The following IQGAP3 variants were observed in gnomAD, a reference collection of about 807,000 sequenced individuals.
IQGAP3 encodes the protein ras GTPase-activating-like protein IQGAP3.
Under a neutral mutation model 208.2 loss-of-function variants are expected in IQGAP3, and 165 were observed. The ratio of observed to expected loss-of-function variants is 0.79; its 90% CI spans 0.70 to 0.90. The LOEUF is 0.90. Ranked by LOEUF, IQGAP3 falls within the 40% of genes least tolerant of loss-of-function variation. The pLI, the probability that IQGAP3 is intolerant of heterozygous loss-of-function variation, is 0.00. For synonymous variants in IQGAP3, 703 were observed against 803.6 expected (o/e 0.87, Z 2.12); for missense variants, 1,811 against 2,043.1 (o/e 0.89, Z 2.19).
In IQGAP3 at chr1:156,561,819, G is replaced by A. The variant is rs753361935; in HGVS notation, c.1041+19C>T. 6 of 1,612,688 alleles carry A rather than the reference G, an allele frequency of 3.7e-6. No individual in the cohort carries two copies. The highest frequency in any genetic ancestry group is 1.1e-5 in the South Asian group (1 of 90,836). On this transcript the variant is annotated intron_variant, in intron 10 of 37. Transcript: ENST00000361170. Reference sequence around the variant, plus strand: ...TATAGTCACATACAGGGGGTGGCAGGTAATAGACAGAGGCTAACCTGTGCC... The same window carrying A: ...TATAGTCACATACAGGGGGTGGCAGATAATAGACAGAGGCTAACCTGTGCC...
intron 22 of IQGAP3, among the ~76,000 whole-genome samples, chr1:156,542,638 G>T (rs1285263591): frequency 6.6e-6 from 1 of 152,180 alleles, no homozygotes; most frequent in Non-Finnish European, 1.5e-5. Context: ...GGAGAAAAGT[G>T]GGCAAGAAGG....
intron 10 of IQGAP3, among the ~76,000 whole-genome samples, chr1:156,561,278 C>T (rs1676139188): frequency 1.3e-5 from 2 of 152,032 alleles, no homozygotes; most frequent in Non-Finnish European, 2.9e-5. Flanking sequence ...AAGCGATTCT[C>T]TGCCGAAGCC....
Position 156,569,406 on chromosome 1 carries a change from T to C in IQGAP3, c.95A>G (p.Gln32Arg). 1.2e-6 allele frequency: 2 copies of C among 1,613,580 alleles called. No homozygotes were observed. The highest frequency in any genetic ancestry group is 1.7e-6 in the Non-Finnish European group (2 of 1,179,760). ...GGCCTCCTCCAGCCGGCACAGGTAC[T>C]GATAGGCAACATTCTGCCGCCTCTG... Reference protein sequence around the residue: ...DEQRRQNVAYQYLCRLEEAKR... With the variant: ...DEQRRQNVAYRYLCRLEEAKR... Residue 32 changes from glutamine (Q) to arginine (R), a missense_variant, in exon 2 of 38, where the codon CAG becomes CGG. Physicochemically the swap from Gln to Arg is conservative, Grantham distance 43 (BLOSUM62 1). Coordinates refer to ENST00000361170, the MANE Select transcript of IQGAP3 (RefSeq NM_178229.5).
chr1:156,542,680 CTG>C (rs1233940527), intron 22 of IQGAP3, among the ~76,000 whole-genome samples: 3 of 152,202 alleles, frequency 2.0e-5, no homozygotes, highest in Non-Finnish European at 4.4e-5. Context: ...TGGTTCATGA[CTG>C]TAATCCCAGA....
chr1:156,547,388 G>GACACACACAC (rs61344699), intron 19 of IQGAP3, among the ~76,000 whole-genome samples: 1,551 of 147,408 alleles, frequency 0.011, 12 homozygotes, highest in Middle Eastern at 0.02. Flanking sequence ...CAGACACACA[G>GACACACACAC]ACACACACAC....
intron 22 of IQGAP3, among the ~76,000 whole-genome samples, chr1:156,541,289 A>G (rs1674963423): frequency 6.6e-6 from 1 of 150,746 alleles, no homozygotes; most frequent in African/African-American, 2.5e-5. Flanking sequence ...TGCTGGGCCA[A>G]CCTGCTCCTC....
Position 156,527,994 on chromosome 1 carries a change from C to G in IQGAP3, c.4740G>C (p.Lys1580Asn). ...DEAGKFEVNA[K>N]FLGVDMERFQ... ...ATCGCTCCATGTCCACACCCAGGAA[C>G]TTGGCATTTACTTCAAACTTTCCTG... Residue 1580 changes from lysine (K) to asparagine (N), a missense_variant, in exon 37 of 38, where the codon AAG (lysine) becomes AAC (asparagine). Lys to Asn is a moderately conservative substitution (Grantham distance 94). Transcript: ENST00000361170. The G allele has an allele frequency of 6.2e-7, 1 of 1,614,136 alleles. No homozygotes were observed. Among genetic ancestry groups the G allele is most frequent in the South Asian group, 1.1e-5 (1 of 91,082 alleles).
At chr1:156,527,075 C>T (rs1674110380) in intron 37 of IQGAP3, among the ~76,000 whole-genome samples, 1 of 151,482 alleles carries the variant, frequency 6.6e-6, no homozygotes, top group African/African-American at 2.4e-5. Context: ...TCGTGATCCG[C>T]CCGCCTCGGC....
At position 156,569,377 on chromosome 1, in the gene IQGAP3, G is replaced by T; in HGVS notation, c.124C>A (p.Arg42Ser). 1 of 1,608,558 alleles carries T rather than the reference G, an allele frequency of 6.2e-7. No homozygotes were observed. Among genetic ancestry groups the T allele is most frequent in the Non-Finnish European group, 8.5e-7 (1 of 1,175,674 alleles). The change falls in exon 2 of 38, where the codon CGC becomes AGC. Residue 42 changes from arginine (R) to serine (S), a missense_variant and splice_region_variant. Physicochemically the swap from Arg to Ser is moderately radical, Grantham distance 110 (BLOSUM62 -1). Coordinates refer to ENST00000361170, the MANE Select transcript of IQGAP3 (RefSeq NM_178229.5). ...QYLCRLEEAKRWMEACLKEEL... is the reference protein window; with the variant it reads ...QYLCRLEEAKSWMEACLKEEL... ...TCCATCTTCCTGGACTCCGCTCACC[G>T]CTTGGCCTCCTCCAGCCGGCACAGG...
intron 12 of IQGAP3, among the ~76,000 whole-genome samples, chr1:156,556,135 GC>G (rs1336799545): frequency 1.3e-4 from 20 of 152,218 alleles, no homozygotes; most frequent in Non-Finnish European, 2.9e-5. Flanking sequence ...CTAAGTGAGG[GC>G]CCTGTCGTTT....
At chr1:156,550,707 G>A (rs1675507806) in intron 15 of IQGAP3, among the ~76,000 whole-genome samples, 1 of 152,136 alleles carries the variant, frequency 6.6e-6, no homozygotes, top group African/African-American at 2.4e-5. Context: ...GATAGCCTAC[G>A]CTGGAGGCTC....
chr1:156,548,661 G>A lies in IQGAP3; in HGVS notation c.1913C>T (p.Ala638Val), dbSNP rs200872033. Residue 638 changes from alanine to valine, a missense_variant, in exon 17 of 38, where the codon GCC becomes GTC. Transcript: ENST00000361170. ...TERVLRNPAVALRGVVPDCAN... is the reference protein window; with the variant it reads ...TERVLRNPAVVLRGVVPDCAN... Reference sequence around the variant, plus strand: ...ACAGTCGGGAACTACCCCTCGAAGGGCCACTGCGGGGTTCCTCAACACCCG... The same window carrying A: ...ACAGTCGGGAACTACCCCTCGAAGGACCACTGCGGGGTTCCTCAACACCCG... The A allele has an allele frequency of 4.6e-5, 74 of 1,612,376 alleles. No homozygotes were observed. In the Admixed American group the frequency reaches 9.8e-4, roughly 21 times the overall value.
rs552029292 is a variant in IQGAP3, at chr1:156,526,135, G to A, written c.*351C>T. 3 of 219,960 alleles carry A rather than the reference G, an allele frequency of 1.4e-5. No individual in the cohort carries two copies. The highest frequency in any genetic ancestry group is 6.7e-5 in the African/African-American group (3 of 45,086). 13.6% of individuals were successfully genotyped at this position (219,960 alleles called of 1,614,324 possible). A position where few individuals can be genotyped will look rare whatever the true frequency, so the allele number is the denominator to read the frequency against. On this transcript the variant is annotated 3_prime_UTR_variant, in exon 38 of 38. Transcript: ENST00000361170. Reference sequence around the variant, plus strand: ...GGCAGAGGGGAAATCAAGCCGCTGGGGCAGTGCTTGTAATATTGGGGTGAC... The same window carrying A: ...GGCAGAGGGGAAATCAAGCCGCTGGAGCAGTGCTTGTAATATTGGGGTGAC...
At chr1:156,568,815 C>A (rs1676515506) in intron 2 of IQGAP3, among the ~76,000 whole-genome samples, 1 of 151,884 alleles carries the variant, frequency 6.6e-6, no homozygotes, top group Admixed American at 6.6e-5. Flanking sequence ...CTGAATGACA[C>A]AAGAAAGCAA....
chr1:156,544,136 A>T lies in IQGAP3; in HGVS notation c.2460+16T>A. On this transcript the variant is annotated intron_variant, in intron 21 of 37. Transcript: ENST00000361170. ...AAGGTTGGGTATGTGGGCAGGGGGAACAAGGTGACACTCACATTCTTCTGG... is the reference window on the plus strand; with the variant it reads ...AAGGTTGGGTATGTGGGCAGGGGGATCAAGGTGACACTCACATTCTTCTGG... The T allele has an allele frequency of 6.2e-7, 1 of 1,613,988 alleles. No individual in the cohort carries two copies. The highest frequency in any genetic ancestry group is 8.5e-7 in the Non-Finnish European group (1 of 1,179,828).
At position 156,527,035 on chromosome 1, in the gene IQGAP3, A is replaced by G. The variant is rs58573451; in HGVS notation, c.4783-436T>C. Among the ~76,000 whole-genome samples the G allele has an allele frequency of 4.9e-3, 747 of 151,026 alleles. 6 individuals are homozygous for G. The highest frequency in any genetic ancestry group is 0.017 in the African/African-American group (705 of 41,288). On this transcript the variant is annotated intron_variant, in intron 37 of 37. Coordinates refer to ENST00000361170, the MANE Select transcript of IQGAP3 (RefSeq NM_178229.5). ...TTTAGTAGAGACAGGGTTTCACTAT[A>G]TTGGCCAGGCTGGTCTTGAACTGCT...
chr1:156,562,789 C>T (rs1368378763), intron 8 of IQGAP3, 124 bp from the exon 9 acceptor site: 12 of 886,386 alleles, frequency 1.4e-5, no homozygotes, highest in Non-Finnish European at 2.0e-5. Flanking sequence ...GTTCAGTCTG[C>T]TCAGAATTCA....
At position 156,537,263 on chromosome 1, in the gene IQGAP3, G is replaced by A. The variant is rs373965074; in HGVS notation, c.3340C>T (p.Arg1114Ter). 38 of 1,613,712 alleles carry A rather than the reference G, an allele frequency of 2.4e-5. No individual in the cohort carries two copies. The highest frequency in any genetic ancestry group is 3.3e-4 in the Middle Eastern group (2 of 6,080). The change falls in exon 27 of 38, where the codon CGA becomes TGA. Residue 1114 changes from arginine to a stop codon, truncating the protein, a stop_gained. Coordinates refer to ENST00000361170, the MANE Select transcript of IQGAP3 (RefSeq NM_178229.5). LOFTEE classifies it high-confidence loss of function. The stretch of plus-strand genomic sequence containing the variant: ...AGGTTGCGTAGGGCGATGTCCAGTC[G>A]TCTCTGGACCTCGGGGTGGCTCAAG... ...QALSHPEVQR[R>*]LDIALRNLLA...
rs1674225983 is a variant in IQGAP3, at chr1:156,528,597, C to A, written c.4585G>T (p.Gly1529Trp). 6.2e-7 allele frequency: 1 copy of A among 1,613,294 alleles called. No homozygotes were observed. The highest frequency in any genetic ancestry group is 1.7e-5 in the Admixed American group (1 of 59,956). Reference protein sequence around the residue: ...LAPDSKSSGKGKKQPSLHYTA... With the variant: ...LAPDSKSSGKWKKQPSLHYTA... ...TAATGAAGAGAAGGCTGCTTCTTCC[C>A]CTTCCCAGAACTCCTGATTAAAAGA... Residue 1529 changes from glycine to tryptophan, a missense_variant, in exon 36 of 38, where the codon GGG (glycine) becomes TGG (tryptophan). Gly to Trp is a radical substitution (Grantham distance 184, BLOSUM62 -2). Transcript: ENST00000361170.
Sources: allele counts gnomAD v4.1 joint callset (sites outside exome capture counted in the v4.1 genomes callset), GRCh38; gene constraint gnomAD v4.1.1; transcripts MANE v1.5; gene names NCBI Gene and HGNC (gene_info 2026-07-23, HGNC 2026-07-21).